SERPINB6: variants seen among roughly 807,000 people sequenced by gnomAD.
SERPINB6 encodes serpin B6.
Under a neutral mutation model 26.1 loss-of-function variants are expected in SERPINB6, and 16 were observed. The ratio of observed to expected loss-of-function variants is 0.61; its 90% CI spans 0.42 to 0.93. SERPINB6 has a LOEUF of 0.93. Among genes scored for constraint, SERPINB6 ranks in the 40% least tolerant of loss-of-function variants. The pLI, the probability that SERPINB6 is intolerant of heterozygous loss-of-function variation, is 0.00. For synonymous variants in SERPINB6, 174 were observed against 176.6 expected (o/e 0.99, Z 0.11); for missense variants, 420 against 478.0 (o/e 0.88, Z 1.13).
rs1361025462 is a variant in SERPINB6 at position 2,967,240 on chromosome 6, G to T, written c.-11+4293C>A. 1.0e-6 allele frequency: 1 copy of T among 985,308 alleles called. No homozygotes were observed. The highest frequency in any genetic ancestry group is 1.2e-6 in the Non-Finnish European group (1 of 829,872). 61.0% of individuals were successfully genotyped at this position (985,308 alleles called of 1,614,324 possible). A position where few individuals can be genotyped will look rare whatever the true frequency, so the allele number is the denominator to read the frequency against. On this transcript the variant is annotated intron_variant, in intron 1 of 6. Coordinates refer to ENST00000380539, the MANE Select transcript of SERPINB6 (RefSeq NM_004568.6). This position sits in a 1 kb window ranked among gnomAD's most constrained non-coding sequence, Gnocchi z 4.3. The stretch of plus-strand genomic sequence containing the variant: ...ACACAAGTTAGAAAGTTCTGCTCTG[G>T]AAGACTGAAACTGGACCCCTTCCTT...
At position 2,948,179 on chromosome 6, in the gene SERPINB6, TG is replaced by T; in HGVS notation, c.*118del. On this transcript the variant is annotated 3_prime_UTR_variant, in exon 7 of 7. Transcript: ENST00000380539. This position sits in a 1 kb window ranked among gnomAD's most constrained non-coding sequence, Gnocchi z 5.0. ...CGGAGTGAATGCGGCATCCCACAAA[TG>T]GGCCCTTTATTTCTGAACTGCCACC... is the stretch of plus-strand genomic sequence containing the variant. The T allele has an allele frequency of 8.9e-7, 1 of 1,118,572 alleles. No individual in the cohort carries two copies. The highest frequency in any genetic ancestry group is 1.4e-6 in the Non-Finnish European group (1 of 737,402). 69.3% of individuals were successfully genotyped at this position (1,118,572 alleles called of 1,614,324 possible).
rs1348902179 is a variant in SERPINB6 at position 2,948,678 on chromosome 6, CGTAA to C, written c.747_750del (p.Tyr250ArgfsTer4). Reference sequence around the variant, plus strand: ...AGCCTCGTCCATTCTACGAACTTCTCGTAAGTGAGTTCTTTCTCCACCTAGAGGG... The same window carrying C: ...AGCCTCGTCCATTCTACGAACTTCTCGTGAGTTCTTTCTCCACCTAGAGGG... On this transcript the variant is annotated frameshift_variant, in exon 7 of 7. Coordinates refer to ENST00000380539, the MANE Select transcript of SERPINB6 (RefSeq NM_004568.6). LOFTEE classifies it low-confidence loss of function (END_TRUNC). The surrounding 1 kb of genome is among the most constrained non-coding windows in gnomAD (Gnocchi z 5.0). The C allele has an allele frequency of 5.6e-6, 9 of 1,614,178 alleles. No homozygotes were observed. Among genetic ancestry groups the C allele is most frequent in the East Asian group, 2.2e-5 (1 of 44,878 alleles).
chr6:2,953,223 C>T (rs1285554059), intron 4 of SERPINB6, 37 bp from the exon 5 acceptor site: 8 of 1,613,540 alleles, frequency 5.0e-6, no homozygotes, highest in South Asian at 1.1e-5. Flanking sequence ...TAGATAGGGG[C>T]GGCTGCGGAT....
intron 5 of SERPINB6, among the ~76,000 whole-genome samples, chr6:2,952,002 A>G (rs138264124): frequency 0.016 from 2,408 of 152,298 alleles, 38 homozygotes; most frequent in South Asian, 0.056. Flanking sequence ...CCTCCCTGGG[A>G]TCATCGCCCC....
chr6:2,958,600 A>G (rs1352126542), intron 2 of SERPINB6, among the ~76,000 whole-genome samples: 1 of 152,142 alleles, frequency 6.6e-6, no homozygotes, highest in Non-Finnish European at 1.5e-5. Context: ...GAAGACGCCC[A>G]GCGCCCCGCT....
At chr6:2,966,894 A>G (rs557458325) in intron 1 of SERPINB6, 8 of 970,524 alleles carry the variant, frequency 8.2e-6, no homozygotes, top group African/African-American at 3.5e-5. Context: ...GCCTCAAGCT[A>G]TCTTTCCACG....
rs915027729 is a variant in SERPINB6, at chr6:2,970,223, C to G, written c.-11+1310G>C. The G allele has an allele frequency of 5.1e-6, 5 of 985,292 alleles. No homozygotes were observed. The East Asian group carries it at 5.7e-4, about 112-fold the overall frequency. The allele number at this position is 985,292 out of a possible 1,614,324, so 61.0% of individuals were successfully genotyped here. A position where few individuals can be genotyped will look rare whatever the true frequency, so the allele number is the denominator to read the frequency against. On this transcript the variant is annotated intron_variant, in intron 1 of 6. Coordinates refer to ENST00000380539, the MANE Select transcript of SERPINB6 (RefSeq NM_004568.6). Reference sequence around the variant, plus strand: ...GAAAAGAATGTTGGTTCTATTCATGCTAATTTCACTCTACTGTTACTGGTC... The same window carrying G: ...GAAAAGAATGTTGGTTCTATTCATGGTAATTTCACTCTACTGTTACTGGTC...
chr6:2,960,330 GA>G (rs1465653646), intron 1 of SERPINB6: 1 of 152,340 alleles, frequency 6.6e-6, no homozygotes, highest in African/African-American at 2.4e-5. Flanking sequence ...AGCTGGGCTT[GA>G]AACGCAGGGC....
chr6:2,958,483 G>A (rs1371516104), intron 2 of SERPINB6, among the ~76,000 whole-genome samples: 1 of 152,196 alleles, frequency 6.6e-6, no homozygotes, highest in Non-Finnish European at 1.5e-5. Context: ...TTTCAAGCCT[G>A]TCTTCTGCGA....
In SERPINB6 at chr6:2,948,293, T is replaced by C. The variant is rs1769330059; in HGVS notation, c.*5A>G. The C allele has an allele frequency of 1.2e-6, 2 of 1,613,218 alleles. No homozygotes were observed. Among genetic ancestry groups the C allele is most frequent in the Non-Finnish European group, 1.7e-6 (2 of 1,179,938 alleles). ...GAGGGGCTGCACACCAAGACTGCCC[T>C]GTCCTCACGGAGAGGAAAAGCGGCC... is the stretch of plus-strand genomic sequence containing the variant. On this transcript the variant is annotated 3_prime_UTR_variant, in exon 7 of 7. Transcript: ENST00000380539. This position sits in a 1 kb window ranked among gnomAD's most constrained non-coding sequence, Gnocchi z 5.0.
chr6:2,959,585 C>T (rs187305647), intron 1 of SERPINB6: 111 of 528,334 alleles, frequency 2.1e-4, no homozygotes, highest in Non-Finnish European at 3.3e-4. Flanking sequence ...CCTCCCTGCA[C>T]GCCTGCCCGC....
In SERPINB6 at chr6:2,948,448, G is replaced by A; in HGVS notation, c.981C>T (p.Gly327=). ...CAGCTGTGGCGGCTGCAGCCTCCGT[G>A]CCTTCCTCATTGACCTCCACAAAAG... ...HKSFVEVNEE[G]TEAAAATAAI... is the part of the protein sequence containing the mutation. Residue 327 remains glycine (G), a synonymous_variant, in exon 7 of 7, where the codon GGC becomes GGT. Coordinates refer to ENST00000380539, the MANE Select transcript of SERPINB6 (RefSeq NM_004568.6). The surrounding 1 kb of genome is among the most constrained non-coding windows in gnomAD (Gnocchi z 5.0). The A allele has an allele frequency of 6.2e-7, 1 of 1,614,154 alleles. No homozygotes were observed. Among genetic ancestry groups the A allele is most frequent in the South Asian group, 1.1e-5 (1 of 91,076 alleles).
At chr6:2,952,238 C>G (rs1332286520) in intron 5 of SERPINB6, among the ~76,000 whole-genome samples, 1 of 152,076 alleles carries the variant, frequency 6.6e-6, no homozygotes, top group Non-Finnish European at 1.5e-5. Context: ...TTCTGAATTG[C>G]GAGGAGAACA....
Position 2,955,596 on chromosome 6 carries a change from G to A in SERPINB6, c.240C>T (p.Asn80=), listed in dbSNP as rs35826070. 2,697 of 1,614,198 alleles carry A rather than the reference G, an allele frequency of 1.7e-3. 43 individuals are homozygous for A. In the African/African-American group the frequency reaches 0.032, roughly 19 times the overall value. ...QGFQSLLTEV[N]KTGTQYLLRM... ...TAAGCAAGTACTGCGTGCCAGTCTT[G>A]TTCACTTCGGTGAGAAGAGACTGGA... The change falls in exon 3 of 7, where the codon AAC becomes AAT. Residue 80 remains asparagine, a synonymous_variant. Transcript: ENST00000380539.
chr6:2,953,159 C>G lies in SERPINB6; in HGVS notation c.458G>C (p.Gly153Ala). 1 of 1,614,180 alleles carries G rather than the reference C, an allele frequency of 6.2e-7. No individual in the cohort carries two copies. The highest frequency in any genetic ancestry group is 8.5e-7 in the Non-Finnish European group (1 of 1,180,030). The part of the protein sequence containing the change: ...EGKIAELLSP[G>A]SVDPLTRLVL... ...CAGCCTTGTCAATGGATCCACTGAG[C>G]CCGGAGAGAGCAACTCCGCAATTTT... Residue 153 changes from glycine to alanine, a missense_variant, in exon 5 of 7, where the codon GGC becomes GCC. Transcript: ENST00000380539.
chr6:2,968,409 A>C (rs953198072), intron 1 of SERPINB6: 3 of 810,030 alleles, frequency 3.7e-6, no homozygotes, highest in Non-Finnish European at 4.5e-6. Flanking sequence ...ACATGAGTTT[A>C]CCTATGTCAC....
chr6:2,968,380 A>T (rs1445069319), intron 1 of SERPINB6: 2 of 592,512 alleles, frequency 3.4e-6, no homozygotes, highest in Non-Finnish European at 4.2e-6. Flanking sequence ...GGATGAAATA[A>T]CCTGCACAAC....
intron 2 of SERPINB6, chr6:2,956,743 C>T (rs1171494827): frequency 1.3e-5 from 2 of 152,330 alleles, no homozygotes; most frequent in Non-Finnish European, 2.9e-5. Flanking sequence ...ATCACTTGAA[C>T]CCGGGAGGCG....
rs778552800 is a variant in SERPINB6 at position 2,948,460 on chromosome 6, G to A, written c.969C>T (p.Val323=). Residue 323 remains valine, a synonymous_variant, in exon 7 of 7, where the codon GTC becomes GTT. Coordinates refer to ENST00000380539, the MANE Select transcript of SERPINB6 (RefSeq NM_004568.6). The surrounding 1 kb of genome is among the most constrained non-coding windows in gnomAD (Gnocchi z 5.0). The part of the protein sequence containing the change: ...SKVVHKSFVE[V]NEEGTEAAAA... The stretch of plus-strand genomic sequence containing the variant: ...CTGCAGCCTCCGTGCCTTCCTCATT[G>A]ACCTCCACAAAAGACTTGTGCACGA... The A allele has an allele frequency of 6.2e-7, 1 of 1,614,166 alleles. No individual in the cohort carries two copies. The highest frequency in any genetic ancestry group is 2.2e-5 in the East Asian group (1 of 44,872).
Sources: gnomAD v4.1 joint callset for allele counts (sites outside exome capture counted in the v4.1 genomes callset) on GRCh38, gnomAD v4.1.1 for gene constraint, Gnocchi (gnomAD v3.1) non-coding constraint, MANE v1.5 for transcripts, NCBI Gene and HGNC (gene_info 2026-07-23, HGNC 2026-07-21) for gene names.